IMPACT: variants seen among roughly 807,000 people sequenced by gnomAD.
IMPACT encodes the protein impact RWD domain protein, also known as protein IMPACT.
A neutral mutation model predicts 47.5 loss-of-function variants in IMPACT; 35 were observed. That is an observed-to-expected ratio of 0.74 (90% CI 0.56 to 0.98). The LOEUF (loss-of-function observed/expected upper bound fraction) is 0.98. Among genes scored for constraint, IMPACT ranks in the 50% least tolerant of loss-of-function variants. IMPACT has a pLI of 0.00. For missense variants in IMPACT, 373 were observed against 394.8 expected (o/e 0.94, Z 0.47); for synonymous variants, 118 against 125.6 (o/e 0.94, Z 0.40).
In IMPACT at chr18:24,426,713, C is replaced by T. The variant is rs1908615639; in HGVS notation, c.-44C>T. Reference sequence around the variant, plus strand: ...AGCCGCAGCGCCCCGCCCCCGCGCTCCGGACCTGGCAGGCGGCGGCTGCAG... The same window carrying T: ...AGCCGCAGCGCCCCGCCCCCGCGCTTCGGACCTGGCAGGCGGCGGCTGCAG... On this transcript the variant is annotated 5_prime_UTR_variant, in exon 1 of 11. Coordinates refer to ENST00000284202, the MANE Select transcript of IMPACT (RefSeq NM_018439.4). The T allele has an allele frequency of 8.1e-7, 1 of 1,239,390 alleles. No homozygotes were observed. Among genetic ancestry groups the T allele is most frequent in the Non-Finnish European group, 1.0e-6 (1 of 990,124 alleles). The allele number at this position is 1,239,390 out of a possible 1,614,324, so 76.8% of individuals were successfully genotyped here.
intron 7 of IMPACT, 42 bp downstream of exon 7, chr18:24,443,194 T>G (rs1909162920): frequency 2.2e-6 from 2 of 896,016 alleles, no homozygotes; most frequent in Non-Finnish European, 3.5e-6. Flanking sequence ...ATTACTAAAA[T>G]AATTCAGGTA....
At chr18:24,439,889 T>C (rs953615877) in intron 5 of IMPACT, among the ~76,000 whole-genome samples, 12 of 152,184 alleles carry the variant, frequency 7.9e-5, no homozygotes, top group African/African-American at 2.7e-4. Context: ...AGTCACTGTC[T>C]TTCTCTTTGT....
chr18:24,437,839 A>G (rs1908987899), intron 4 of IMPACT, 116 bp from the exon 5 acceptor site: 2 of 613,900 alleles, frequency 3.3e-6, no homozygotes, highest in Non-Finnish European at 5.8e-6. Context: ...ATTATTTTAA[A>G]AAAGAAATGG....
chr18:24,427,705 C>T (rs753326271), intron 1 of IMPACT: 84 of 510,916 alleles, frequency 1.6e-4, no homozygotes, highest in Non-Finnish European at 2.6e-4. Context: ...AATGCAGTAG[C>T]AAGGCTGGCT....
chr18:24,430,364 T>C lies in IMPACT; in HGVS notation c.261T>C (p.Asn87=). Residue 87 remains asparagine (N), a synonymous_variant, in exon 4 of 11, where the codon AAT becomes AAC. Transcript: ENST00000284202. ...GGCAAGAACGTGCGGATTTATCAAA[T>C]AGCCTTGAGGAAATATATATGTAAG... The part of the protein sequence containing the change: ...LKGQERADLS[N]SLEEIYIQNI... 1 of 1,598,778 alleles carries C rather than the reference T, an allele frequency of 6.3e-7. No individual in the cohort carries two copies. Among genetic ancestry groups the C allele is most frequent in the Non-Finnish European group, 8.5e-7 (1 of 1,174,710 alleles).
chr18:24,446,642 AT>A (rs755664221), intron 8 of IMPACT, among the ~76,000 whole-genome samples: 1 of 152,194 alleles, frequency 6.6e-6, no homozygotes, highest in Non-Finnish European at 1.5e-5. Flanking sequence ...AAAATTCATC[AT>A]TTTGAGTAGG....
At chr18:24,428,110 C>G (rs993179401) in intron 2 of IMPACT, 63 bp downstream of exon 2, 29 of 1,371,882 alleles carry the variant, frequency 2.1e-5, no homozygotes, top group Non-Finnish European at 2.8e-5. Context: ...TTGTTGACTT[C>G]TGTATTCTAA....
chr18:24,449,662 C>T (rs1909328470), intron 9 of IMPACT, among the ~76,000 whole-genome samples, 157 bp from the exon 10 acceptor site: 1 of 152,176 alleles, frequency 6.6e-6, no homozygotes, highest in Non-Finnish European at 1.5e-5. Flanking sequence ...TGTTAGTAAT[C>T]TCACTCAGTG....
In IMPACT at chr18:24,452,512, T is replaced by TA. The variant is rs1197440874; in HGVS notation, c.*1666dup. 2 of 152,134 alleles carry TA rather than the reference T, an allele frequency of 1.3e-5. No homozygotes were observed. The highest frequency in any genetic ancestry group is 4.8e-5 in the African/African-American group (2 of 41,446). 9.4% of individuals were successfully genotyped at this position (152,134 alleles called of 1,614,324 possible). ...GGGAGATAGGAAACAATGAGAAACTTACTTTTGCTCCTTTATACAGAATTA... is the reference window on the plus strand; with the variant it reads ...GGGAGATAGGAAACAATGAGAAACTTAACTTTTGCTCCTTTATACAGAATTA... On this transcript the variant is annotated 3_prime_UTR_variant, in exon 11 of 11. Transcript: ENST00000284202.
chr18:24,446,305 A>G (rs1457019141), intron 8 of IMPACT, among the ~76,000 whole-genome samples: 2 of 152,112 alleles, frequency 1.3e-5, no homozygotes, highest in African/African-American at 4.8e-5. Flanking sequence ...AGTTCAAGTG[A>G]TCTGCCAACC....
intron 4 of IMPACT, among the ~76,000 whole-genome samples, chr18:24,435,733 C>T (rs1399015189): frequency 1.3e-5 from 2 of 152,100 alleles, no homozygotes; most frequent in Non-Finnish European, 2.9e-5. Context: ...TTATGTGGGG[C>T]AGTTAATCGG....
At chr18:24,432,399 T>G (rs1296076929) in intron 4 of IMPACT, among the ~76,000 whole-genome samples, 1 of 152,204 alleles carries the variant, frequency 6.6e-6, no homozygotes, top group Non-Finnish European at 1.5e-5. Context: ...CCACTCCATT[T>G]GGTACAGTGA....
intron 8 of IMPACT, among the ~76,000 whole-genome samples, chr18:24,447,096 T>C (rs1909267142): frequency 1.3e-5 from 2 of 152,308 alleles, no homozygotes; most frequent in African/African-American, 4.8e-5. Flanking sequence ...AAAGTACTCA[T>C]AGTATTTTAA....
chr18:24,438,254 T>A (rs1269349601), intron 5 of IMPACT, among the ~76,000 whole-genome samples: 1 of 152,236 alleles, frequency 6.6e-6, no homozygotes, highest in Non-Finnish European at 1.5e-5. Context: ...ATTACAGTAT[T>A]CCTCCTCATC....
intron 2 of IMPACT, 77 bp downstream of exon 2, chr18:24,428,124 TTG>T: frequency 7.8e-7 from 1 of 1,284,196 alleles, no homozygotes; most frequent in African/African-American, 1.5e-5. Flanking sequence ...ATTCTAATGA[TTG>T]TGTTGTTTTC....
intron 1 of IMPACT, 69 bp downstream of exon 1, chr18:24,426,861 C>T: frequency 9.0e-7 from 1 of 1,115,946 alleles, no homozygotes; most frequent in Non-Finnish European, 1.1e-6. Flanking sequence ...CAGTCCTCCT[C>T]AGCCGAGGGG....
intron 8 of IMPACT, among the ~76,000 whole-genome samples, chr18:24,446,504 G>T: frequency 6.6e-6 from 1 of 152,072 alleles, no homozygotes; most frequent in East Asian, 1.9e-4. Context: ...GAAAAAATAC[G>T]CAAATTTGTA....
chr18:24,434,809 G>A (rs1298047165), intron 4 of IMPACT, among the ~76,000 whole-genome samples: 17 of 127,798 alleles, frequency 1.3e-4, no homozygotes, highest in Admixed American at 3.4e-4. Flanking sequence ...GTGTGTGTGT[G>A]TATATATATG....
At chr18:24,444,677 T>C (rs1216367971) in intron 7 of IMPACT, among the ~76,000 whole-genome samples, 1 of 152,230 alleles carries the variant, frequency 6.6e-6, no homozygotes, top group Admixed American at 6.5e-5. Context: ...TTTTCTCTTT[T>C]TTGTTCCCAC....
Sources: allele counts gnomAD v4.1 joint callset (sites outside exome capture counted in the v4.1 genomes callset), GRCh38; gene constraint gnomAD v4.1.1; transcripts MANE v1.5; gene names NCBI Gene and HGNC (gene_info 2026-07-23, HGNC 2026-07-21).